NEGR1: variants seen among roughly 807,000 people sequenced by gnomAD.
NEGR1 encodes IgLON family member 4.
NEGR1 carries 10 observed loss-of-function variants against 40.9 expected under a neutral mutation model. The ratio of observed to expected loss-of-function variants is 0.24; its 90% CI spans 0.15 to 0.42. NEGR1 has a LOEUF of 0.42. Among genes scored for constraint, NEGR1 ranks in the 10% least tolerant of loss-of-function variants. The pLI is 1.00. For missense variants in NEGR1, 352 were observed against 438.9 expected, an observed-to-expected ratio of 0.80 and a Z score of 1.77; for synonymous variants, 185 against 166.8, an observed-to-expected ratio of 1.11 and a Z score of -0.84.
At chr1:71,805,509 C>G (rs116761117) in intron 2 of NEGR1, among the ~76,000 whole-genome samples, 2,463 of 152,266 alleles carry the variant, frequency 0.016, 29 homozygotes, top group Middle Eastern at 0.024. Flanking sequence ...TAAGAACCTA[C>G]GTGAAACATC....
At chr1:72,123,264 A>G (rs747125183) in intron 1 of NEGR1, among the ~76,000 whole-genome samples, 2 of 151,938 alleles carry the variant, frequency 1.3e-5, no homozygotes, top group Non-Finnish European at 2.9e-5. Flanking sequence ...GAATAAAATC[A>G]TTTCCATATC....
intron 6 of NEGR1, among the ~76,000 whole-genome samples, chr1:71,460,548 A>G (rs942977181): frequency 1.7e-4 from 26 of 152,212 alleles, no homozygotes; most frequent in African/African-American, 5.8e-4. Context: ...AACTGCATCT[A>G]TCTTGTAAGA....
At chr1:71,816,328 T>C (rs1239827714) in intron 2 of NEGR1, among the ~76,000 whole-genome samples, 1 of 152,078 alleles carries the variant, frequency 6.6e-6, no homozygotes, top group Non-Finnish European at 1.5e-5. Context: ...GCAGAAAACC[T>C]TTTGTATTAG....
At chr1:71,625,880 A>G (rs1389942676) in intron 4 of NEGR1, among the ~76,000 whole-genome samples, 1 of 151,876 alleles carries the variant, frequency 6.6e-6, no homozygotes, top group African/African-American at 2.4e-5. Context: ...TTAGATGACT[A>G]TACACACAGC....
intron 4 of NEGR1, among the ~76,000 whole-genome samples, chr1:71,614,257 TTATA>T (rs537792046): frequency 1.3e-5 from 2 of 151,792 alleles, no homozygotes; most frequent in South Asian, 4.2e-4. Context: ...ACACCCAGTT[TTATA>T]TATATATAAA....
intron 6 of NEGR1, among the ~76,000 whole-genome samples, chr1:71,428,649 AATTT>A (rs1646445071): frequency 6.7e-6 from 1 of 149,026 alleles, no homozygotes; most frequent in Non-Finnish European, 1.5e-5. Context: ...TATTTATATA[AATTT>A]ATTTTTTATT....
chr1:71,550,864 G>A (rs1299607437), intron 6 of NEGR1, among the ~76,000 whole-genome samples: 3 of 151,564 alleles, frequency 2.0e-5, no homozygotes, highest in Non-Finnish European at 4.4e-5. Flanking sequence ...GAGCAATGTC[G>A]AGTTGGGCAA....
chr1:71,863,871 A>G lies in NEGR1; in HGVS notation c.409+71208T>C, dbSNP rs934624293. 7.5e-4 allele frequency among the ~76,000 whole-genome samples: 114 copies of G among 152,098 alleles called. 3 individuals are homozygous for G. The highest frequency in any genetic ancestry group is 1.9e-4 in the Non-Finnish European group (13 of 68,022). On this transcript the variant is annotated intron_variant, in intron 2 of 6. Transcript: ENST00000357731. ...CTTATTAATAGAATATTAAAATATC[A>G]TTTCTTAACATTCACTAGGTGTTAA...
intron 2 of NEGR1, among the ~76,000 whole-genome samples, chr1:71,932,621 G>T (rs1645866336): frequency 2.0e-5 from 3 of 151,886 alleles, no homozygotes; most frequent in African/African-American, 7.3e-5. Flanking sequence ...TAGTTCCCTG[G>T]AGTACATGCA....
intron 6 of NEGR1, among the ~76,000 whole-genome samples, chr1:71,438,098 G>A (rs957377920): frequency 6.6e-6 from 1 of 152,178 alleles, no homozygotes; most frequent in East Asian, 1.9e-4. Context: ...CGCTTGTTGA[G>A]AGTTTCAACA....
chr1:71,452,510 G>A (rs902312656), intron 6 of NEGR1, among the ~76,000 whole-genome samples: 13 of 152,138 alleles, frequency 8.5e-5, no homozygotes, highest in Admixed American at 6.5e-5. Context: ...ATTATGTGAA[G>A]AAAGAATTCA....
intron 1 of NEGR1, among the ~76,000 whole-genome samples, chr1:72,209,639 T>G (rs1039113478): frequency 6.6e-6 from 1 of 151,918 alleles, no homozygotes; most frequent in Non-Finnish European, 1.5e-5. Flanking sequence ...ATTTCTATGA[T>G]AATTATATGT....
intron 4 of NEGR1, among the ~76,000 whole-genome samples, chr1:71,624,127 C>T (rs1650693797): frequency 6.6e-6 from 1 of 151,876 alleles, no homozygotes; most frequent in Non-Finnish European, 1.5e-5. Context: ...TCTCATCCTG[C>T]AAAGCTTATC....
rs149465265 is a variant in NEGR1, at chr1:72,174,046, T to A, written c.176+108273A>T. 6.9e-3 allele frequency among the ~76,000 whole-genome samples: 1,051 copies of A among 152,272 alleles called. 9 individuals carry two copies. Among genetic ancestry groups the A allele is most frequent in the African/African-American group, 0.024 (986 of 41,564 alleles). ...TACTTTCTCATTTTCTCATTTTGTT[T>A]CACAACAATCTTCTAACATGGACAT... On this transcript the variant is annotated intron_variant, in intron 1 of 6. Transcript: ENST00000357731.
intron 1 of NEGR1, 130 bp downstream of exon 1, chr1:72,282,189 T>C: frequency 9.0e-7 from 1 of 1,106,594 alleles, no homozygotes; most frequent in Non-Finnish European, 1.3e-6. Context: ...CCTGGAATTC[T>C]TGGGATGTGG....
In NEGR1 at chr1:71,685,323, CTT is replaced by C. The variant is rs10667208; in HGVS notation, c.667+12683_667+12684del. 1.2e-3 allele frequency among the ~76,000 whole-genome samples: 158 copies of C among 136,598 alleles called. 1 individual carries two copies. The highest frequency in any genetic ancestry group is 4.0e-3 in the African/African-American group (151 of 37,672). 89.6% of individuals were successfully genotyped at this position (136,598 alleles called of 152,430 possible). Reference sequence around the variant, plus strand: ...CAAATTCAATAATTAATTGACATTACTTTTTTTTTTTTTTTTGAGATGGAGTT... The same window carrying C: ...CAAATTCAATAATTAATTGACATTACTTTTTTTTTTTTTTGAGATGGAGTT... On this transcript the variant is annotated intron_variant, in intron 4 of 6. Coordinates refer to ENST00000357731, the MANE Select transcript of NEGR1 (RefSeq NM_173808.3).
chr1:71,702,736 A>AC (rs534400416), intron 3 of NEGR1, among the ~76,000 whole-genome samples: 5 of 151,164 alleles, frequency 3.3e-5, no homozygotes, highest in Non-Finnish European at 5.9e-5. Context: ...TAAAAAAAAA[A>AC]AAAAAACACT....
intron 1 of NEGR1, among the ~76,000 whole-genome samples, chr1:72,128,445 GCTAT>G (rs1440713379): frequency 3.9e-5 from 6 of 151,988 alleles, no homozygotes; most frequent in East Asian, 1.9e-4. Flanking sequence ...AAACAGAAGT[GCTAT>G]CTAACAGTAA....
chr1:71,642,448 GGAGAGAAAAA>G (rs1651384718), intron 4 of NEGR1, among the ~76,000 whole-genome samples: 2 of 151,636 alleles, frequency 1.3e-5, no homozygotes, highest in African/African-American at 4.8e-5. Context: ...AAATTGGGGG[GGAGAGAAAAA>G]GAGAGAATAG....
Sources: gnomAD v4.1 joint callset for allele counts (sites outside exome capture counted in the v4.1 genomes callset) on GRCh38, gnomAD v4.1.1 for gene constraint, MANE v1.5 for transcripts, NCBI Gene and HGNC (gene_info 2026-07-23, HGNC 2026-07-21) for gene names.